The following ZFYVE1 variants were observed in gnomAD, a reference collection of about 807,000 sequenced individuals.
The protein encoded by ZFYVE1 is zinc finger FYVE domain-containing protein 1.
In ZFYVE1, 30 loss-of-function variants were observed where a neutral mutation model predicts 74.4. That is an observed-to-expected ratio of 0.40 (90% confidence interval 0.30 to 0.55). The LOEUF (loss-of-function observed/expected upper bound fraction) is 0.55. ZFYVE1 is among the 20% of genes least tolerant of loss of function. The pLI, the probability that ZFYVE1 is intolerant of heterozygous loss-of-function variation, is 0.42. For missense variants in ZFYVE1, 703 were observed against 1,011.6 expected (o/e 0.69, Z 4.14); for synonymous variants, 335 against 385.1 (o/e 0.87, Z 1.52).
chr14:72,974,894 C>T lies in ZFYVE1; in HGVS notation c.1872G>A (p.Gly624=). Reference sequence around the variant, plus strand: ...ATGAACAGCTGTCACAGAAGCCCTCCCCACAGGCTCGGCAGTGATGCTTAG... The same window carrying T: ...ATGAACAGCTGTCACAGAAGCCCTCTCCACAGGCTCGGCAGTGATGCTTAG... ...NDTKHHCRAC[G]EGFCDSCSSK... Residue 624 remains glycine (G), a synonymous_variant, in exon 10 of 12, where the codon GGG becomes GGA. Transcript: ENST00000556143. 6.2e-7 allele frequency: 1 copy of T among 1,614,124 alleles called. No homozygotes were observed. The highest frequency in any genetic ancestry group is 8.5e-7 in the Non-Finnish European group (1 of 1,179,992).
intron 4 of ZFYVE1, among the ~76,000 whole-genome samples, chr14:72,984,129 C>T (rs1893415353): frequency 6.6e-6 from 1 of 152,250 alleles, no homozygotes; most frequent in Non-Finnish European, 1.5e-5. Flanking sequence ...GAACACCATC[C>T]GTCAGCCACG....
At chr14:72,984,980 C>T (rs901483224) in intron 4 of ZFYVE1, among the ~76,000 whole-genome samples, 1 of 152,224 alleles carries the variant, frequency 6.6e-6, no homozygotes, top group African/African-American at 2.4e-5. Flanking sequence ...CCTTCACAAA[C>T]CAACCTTGCC....
At chr14:72,972,127 T>C (rs61988555) in intron 11 of ZFYVE1, among the ~76,000 whole-genome samples, 7,821 of 152,004 alleles carry the variant, frequency 0.051, 268 homozygotes, top group Non-Finnish European at 0.081. Context: ...GGCATGAGAA[T>C]CGCTTAAACC....
Position 72,969,627 on chromosome 14 carries a change from A to G in ZFYVE1, c.*1255T>C. On this transcript the variant is annotated 3_prime_UTR_variant, in exon 12 of 12. Transcript: ENST00000556143. ...ACCGCCATATACTTCCCTAAAGCTC[A>G]ACCCACCCACCAGTTCAGTTAAGAA... 1.4e-6 allele frequency: 1 copy of G among 691,276 alleles called. No individual in the cohort carries two copies. The highest frequency in any genetic ancestry group is 2.6e-6 in the Non-Finnish European group (1 of 379,938). The allele number at this position is 691,276 out of a possible 1,614,324, so 42.8% of individuals were successfully genotyped here. A position where few individuals can be genotyped will look rare whatever the true frequency, so the allele number is the denominator to read the frequency against.
rs772978390 is a variant in ZFYVE1 at position 72,979,023 on chromosome 14, T to C, written c.1311-54A>G. On this transcript the variant is annotated intron_variant, in intron 5 of 11. Coordinates refer to ENST00000556143, the MANE Select transcript of ZFYVE1 (RefSeq NM_021260.4). ...GACGGCTAAAGGAGCCAGTGCCACTTACACAGAACAGCCTGACCCTGAGCC... is the reference window on the plus strand; with the variant it reads ...GACGGCTAAAGGAGCCAGTGCCACTCACACAGAACAGCCTGACCCTGAGCC... The C allele has an allele frequency of 5.0e-4, 751 of 1,500,938 alleles. 1 individual carries two copies. The highest frequency in any genetic ancestry group is 6.4e-4 in the Non-Finnish European group (693 of 1,078,348). 93.0% of individuals were successfully genotyped at this position (1,500,938 alleles called of 1,614,324 possible). A position where few individuals can be genotyped will look rare whatever the true frequency, so the allele number is the denominator to read the frequency against.
intron 3 of ZFYVE1, 117 bp from the exon 4 acceptor site, chr14:72,993,474 G>C (rs952910638): frequency 2.3e-6 from 2 of 884,814 alleles, no homozygotes; most frequent in African/African-American, 3.4e-5. Context: ...AGGCCAAGGT[G>C]GGTGGATCAC....
At chr14:72,974,665 G>A in intron 10 of ZFYVE1, 114 bp downstream of exon 10, 1 of 1,352,610 alleles carries the variant, frequency 7.4e-7, no homozygotes, top group Non-Finnish European at 1.0e-6. Context: ...AAGACCAGAA[G>A]TACTCTCACA....
intron 4 of ZFYVE1, 59 bp downstream of exon 4, chr14:72,993,084 G>C (rs2140362676): frequency 6.7e-7 from 1 of 1,486,392 alleles, no homozygotes; most frequent in South Asian, 1.4e-5. Flanking sequence ...GGCGAACTGA[G>C]TGTTCTCACC....
chr14:72,974,824 C>G lies in ZFYVE1; in HGVS notation c.1942G>C (p.Val648Leu), dbSNP rs746145059. The change falls in exon 10 of 12, where the codon GTG becomes CTG. Residue 648 changes from valine (V) to leucine (L), a missense_variant. Around this residue, in one of 2 missense-constraint regions of ZFYVE1, gnomAD observed 492 missense variants for 790.0 expected, o/e 0.62. Coordinates refer to ENST00000556143, the MANE Select transcript of ZFYVE1 (RefSeq NM_021260.4). ...TCGTAGCAGTTGTCACAGACCCGCA[C>G]TGGCGCAGGGCCCCAGCCCCGCTCA... is the stretch of plus-strand genomic sequence containing the variant. ...VPERGWGPAP[V>L]RVCDNCYEAR... 1 of 1,612,436 alleles carries G rather than the reference C, an allele frequency of 6.2e-7. No individual in the cohort carries two copies. Among genetic ancestry groups the G allele is most frequent in the Non-Finnish European group, 8.5e-7 (1 of 1,178,914 alleles).
At chr14:73,023,327 ATATTATATATG>A (rs1894375290) in intron 2 of ZFYVE1, among the ~76,000 whole-genome samples, 1 of 80,070 alleles carries the variant, frequency 1.2e-5, no homozygotes, top group Non-Finnish European at 2.6e-5. Flanking sequence ...TATATAATAT[ATATTATATATG>A]TTTTATATAT....
chr14:72,989,079 C>T (rs899666608), intron 4 of ZFYVE1, among the ~76,000 whole-genome samples: 5 of 151,876 alleles, frequency 3.3e-5, no homozygotes, highest in Non-Finnish European at 5.9e-5. Flanking sequence ...AGGCACCCGC[C>T]ACCACACCCA....
intron 3 of ZFYVE1, 128 bp downstream of exon 3, chr14:72,997,683 T>C (rs547194321): frequency 1.6e-6 from 2 of 1,274,906 alleles, no homozygotes; most frequent in African/African-American, 1.5e-5. Context: ...CTTGAAACAC[T>C]TTCTATGTCT....
In ZFYVE1 at chr14:72,998,231, C is replaced by T. The variant is rs773560954; in HGVS notation, c.568G>A (p.Gly190Ser). 4 of 1,610,282 alleles carry T rather than the reference C, an allele frequency of 2.5e-6. No individual in the cohort carries two copies. In the Admixed American group the frequency reaches 6.8e-5, roughly 27 times the overall value. Residue 190 changes from glycine to serine, a missense_variant, in exon 3 of 12, where the codon GGT (glycine) becomes AGT (serine). By Grantham distance (56) the Gly-to-Ser change is moderately conservative (BLOSUM62 0). This residue lies in a region of ZFYVE1 where 492 missense variants were observed against 790.0 expected (regional missense o/e 0.62). Coordinates refer to ENST00000556143, the MANE Select transcript of ZFYVE1 (RefSeq NM_021260.4). ...TTGAGAGTATGAGACTTTCCATCAC[C>T]AGTATTTCCAAAAATGGAAACCACT... is the stretch of plus-strand genomic sequence containing the variant. ...LKVVSIFGNT[G>S]DGKSHTLNHT...
At chr14:73,010,421 G>A (rs959241711) in intron 2 of ZFYVE1, among the ~76,000 whole-genome samples, 2 of 152,156 alleles carry the variant, frequency 1.3e-5, no homozygotes, top group African/African-American at 4.8e-5. Flanking sequence ...GACCAACGTG[G>A]AGAAACCCCT....
At chr14:73,020,442 TC>T (rs1211121722) in intron 2 of ZFYVE1, among the ~76,000 whole-genome samples, 1 of 152,064 alleles carries the variant, frequency 6.6e-6, no homozygotes, top group Non-Finnish European at 1.5e-5. Context: ...AACCTCCACT[TC>T]CCGGGTTCAT....
chr14:73,010,454 A>G (rs990810741), intron 2 of ZFYVE1, among the ~76,000 whole-genome samples: 15 of 152,190 alleles, frequency 9.9e-5, no homozygotes, highest in African/African-American at 3.6e-4. Flanking sequence ...ATACAAAATT[A>G]GCTGGCTGTG....
rs901778245 is a variant in ZFYVE1, at chr14:72,998,166, G to A, written c.633C>T (p.Ser211=). The A allele has an allele frequency of 6.8e-6, 11 of 1,613,914 alleles. No individual in the cohort carries two copies. Among genetic ancestry groups the A allele is most frequent in the African/African-American group, 1.3e-5 (1 of 74,862 alleles). ...CCACAGTGCAGGACTCCTGGGTCGG[G>A]GAGGTTTTAAAGACTTCACGACCAT... The part of the protein sequence containing the change: ...FFYGREVFKT[S]PTQESCTVGV... The change falls in exon 3 of 12, where the codon TCC becomes TCT. Residue 211 remains serine, a synonymous_variant. Transcript: ENST00000556143.
intron 2 of ZFYVE1, among the ~76,000 whole-genome samples, chr14:73,020,117 T>C (rs568785504): frequency 6.6e-6 from 1 of 152,020 alleles, no homozygotes; most frequent in African/African-American, 2.4e-5. Flanking sequence ...TAGCTGGGCA[T>C]GGTGGCACAC....
chr14:73,019,752 G>T (rs948469401), intron 2 of ZFYVE1, among the ~76,000 whole-genome samples: 3 of 151,892 alleles, frequency 2.0e-5, no homozygotes, highest in Non-Finnish European at 4.4e-5. Flanking sequence ...AGGAGTTCGA[G>T]ACCAGCCTGA....
Sources: allele counts gnomAD v4.1 joint callset (sites outside exome capture counted in the v4.1 genomes callset), GRCh38; gene constraint gnomAD v4.1.1; regional missense constraint gnomAD v4.1.1; transcripts MANE v1.5; gene names NCBI Gene and HGNC (gene_info 2026-07-23, HGNC 2026-07-21).